PRKCD: variants seen among roughly 807,000 people sequenced by gnomAD.
The protein encoded by PRKCD is protein kinase C delta type.
In PRKCD, 20 loss-of-function variants were observed where a neutral mutation model predicts 82.2. The observed-to-expected ratio is 0.24, with a 90% CI of 0.17 to 0.35. PRKCD has a LOEUF of 0.35. PRKCD is among the 10% of genes least tolerant of loss of function. The pLI, the probability that PRKCD is intolerant of heterozygous loss-of-function variation, is 1.00. For missense variants in PRKCD, 607 were observed against 899.0 expected, an observed-to-expected ratio of 0.68 and a Z score of 4.15; for synonymous variants, 317 against 337.0, an observed-to-expected ratio of 0.94 and a Z score of 0.65.
intron 9 of PRKCD, 102 bp downstream of exon 9, chr3:53,183,683 C>G (rs879994612): frequency 2.7e-6 from 4 of 1,483,826 alleles, no homozygotes; most frequent in South Asian, 2.5e-5. Flanking sequence ...CACCTGGAGA[C>G]GGGCACCTCA....
In PRKCD at chr3:53,178,950, G is replaced by T. The variant is rs527675884; in HGVS notation, c.115+413G>T. On this transcript the variant is annotated intron_variant, in intron 3 of 18. Coordinates refer to ENST00000330452, the MANE Select transcript of PRKCD (RefSeq NM_006254.4). ...CCTGCAATAGGGAAGCCCAGAGAAGGCACCCTCTGAACCTGAGGTCAGGGA... is the reference window on the plus strand; with the variant it reads ...CCTGCAATAGGGAAGCCCAGAGAAGTCACCCTCTGAACCTGAGGTCAGGGA... Among the ~76,000 whole-genome samples the T allele has an allele frequency of 2.0e-5, 3 of 152,318 alleles. 1 individual carries two copies. The East Asian group carries it at 5.8e-4, about 29-fold the overall frequency.
rs1703551009 is a variant in PRKCD at position 53,183,597 on chromosome 3, C to T, written c.787+16C>T. ...AAGTGTGAAGGTGCGTGCCACCCCG[C>T]CCCTGGGCTGCAGGAGGGGCACTCC... is the stretch of plus-strand genomic sequence containing the variant. On this transcript the variant is annotated intron_variant, in intron 9 of 18. Transcript: ENST00000330452. 1 of 1,612,616 alleles carries T rather than the reference C, an allele frequency of 6.2e-7. No individual in the cohort carries two copies. The highest frequency in any genetic ancestry group is 2.2e-5 in the East Asian group (1 of 44,834).
intron 1 of PRKCD, among the ~76,000 whole-genome samples, 183 bp from the exon 2 acceptor site, chr3:53,164,921 G>A (rs1434443499): frequency 1.3e-5 from 2 of 152,152 alleles, no homozygotes; most frequent in Non-Finnish European, 2.9e-5. Flanking sequence ...ACAAATAGTG[G>A]TGCCCAGGAA....
chr3:53,181,199 C>G lies in PRKCD; in HGVS notation c.316-8C>G, dbSNP rs1703426034. The stretch of plus-strand genomic sequence containing the variant: ...CCTTGTTCTCCCCTGGCCTCTGGCC[C>G]CCAACAGCTGGACCTGCAGCCTCAG... On this transcript the variant is annotated splice_region_variant and splice_polypyrimidine_tract_variant and intron_variant, in intron 4 of 18. Coordinates refer to ENST00000330452, the MANE Select transcript of PRKCD (RefSeq NM_006254.4). The G allele has an allele frequency of 6.2e-7, 1 of 1,613,124 alleles. No homozygotes were observed. Among genetic ancestry groups the G allele is most frequent in the South Asian group, 1.1e-5 (1 of 90,898 alleles).
At chr3:53,177,946 C>CTTT (rs55779744) in intron 2 of PRKCD, among the ~76,000 whole-genome samples, 2 of 135,066 alleles carry the variant, frequency 1.5e-5, no homozygotes, top group Non-Finnish European at 3.1e-5. Flanking sequence ...TTTTCTTTTT[C>CTTT]TTTTTTTTTT....
intron 12 of PRKCD, 34 bp downstream of exon 12, chr3:53,186,061 C>G (rs1553668967): frequency 6.2e-7 from 1 of 1,612,726 alleles, no homozygotes; most frequent in South Asian, 1.1e-5. Context: ...TGCTTCCCAC[C>G]CCACCCTGGC....
chr3:53,187,009 C>A (rs1553669336), intron 14 of PRKCD, among the ~76,000 whole-genome samples: 1 of 152,252 alleles, frequency 6.6e-6, no homozygotes. Flanking sequence ...GCGTGGCCCC[C>A]AGACCTGCTT....
In PRKCD at chr3:53,192,587, C is replaced by A; in HGVS notation, c.*321C>A. ...TATATATTGCTCAGTAGAGAAAAAC[C>A]ATGGGGGACTGGTGATATGTTGATC... On this transcript the variant is annotated 3_prime_UTR_variant, in exon 19 of 19. Transcript: ENST00000330452. 6.8e-6 allele frequency: 1 copy of A among 147,370 alleles called. No individual in the cohort carries two copies. Among genetic ancestry groups the A allele is most frequent in the Non-Finnish European group, 1.4e-5 (1 of 69,376 alleles). 9.1% of individuals were successfully genotyped at this position (147,370 alleles called of 1,614,324 possible).
chr3:53,184,904 G>T lies in PRKCD; in HGVS notation c.818G>T (p.Arg273Leu). The stretch of plus-strand genomic sequence containing the variant: ...GGCATGAATGTGCACCATAAATGCC[G>T]GGAGAAGGTGGCCAACCTCTGCGGC... ...DCGMNVHHKC[R>L]EKVANLCGIN... Residue 273 changes from arginine (R) to leucine (L), a missense_variant, in exon 10 of 19, where the codon CGG (arginine) becomes CTG (leucine). Arg to Leu is a moderately radical substitution (Grantham distance 102, BLOSUM62 -2). Coordinates refer to ENST00000330452, the MANE Select transcript of PRKCD (RefSeq NM_006254.4). 1 of 1,613,970 alleles carries T rather than the reference G, an allele frequency of 6.2e-7. No homozygotes were observed. The highest frequency in any genetic ancestry group is 8.5e-7 in the Non-Finnish European group (1 of 1,179,930).
rs33911937 is a variant in PRKCD at position 53,185,984 on chromosome 3, A to G, written c.1043A>G (p.Asn348Ser). The G allele has an allele frequency of 5.6e-4, 906 of 1,614,082 alleles. 4 individuals carry two copies. The highest frequency in any genetic ancestry group is 1.0e-4 in the Non-Finnish European group (120 of 1,180,036). Residue 348 changes from asparagine to serine, a missense_variant, in exon 12 of 19, where the codon AAC (asparagine) becomes AGC (serine). By Grantham distance (46) the Asn-to-Ser change is conservative. This residue lies in a region of PRKCD where 85 missense variants were observed against 76.1 expected (regional missense o/e 1.12). Coordinates refer to ENST00000330452, the MANE Select transcript of PRKCD (RefSeq NM_006254.4). ...WEGSSKCNIN[N>S]FIFHKVLGKG... ...GGCAGCAGCAAGTGCAACATCAACA[A>G]CTTCATCTTCCACAAGGTCCTGGGC...
chr3:53,173,205 G>T (rs891637814), intron 2 of PRKCD, among the ~76,000 whole-genome samples: 3 of 152,216 alleles, frequency 2.0e-5, no homozygotes, highest in Admixed American at 1.3e-4. Flanking sequence ...ACGTGTGGAT[G>T]TGCAGCACAC....
chr3:53,178,009 G>A (rs1458546956), intron 2 of PRKCD, among the ~76,000 whole-genome samples: 19 of 148,140 alleles, frequency 1.3e-4, no homozygotes, highest in African/African-American at 4.7e-4. Context: ...GTACTGGTGC[G>A]ATCTTGGCTC....
chr3:53,187,055 GTGTA>G (rs1338507394), intron 14 of PRKCD, among the ~76,000 whole-genome samples: 4 of 151,090 alleles, frequency 2.6e-5, no homozygotes, highest in Admixed American at 6.6e-5. Context: ...CAAACTAACC[GTGTA>G]TGTGTGTGTG....
intron 8 of PRKCD, 23 bp from the exon 9 acceptor site, chr3:53,183,429 G>C (rs553028503): frequency 1.2e-6 from 2 of 1,613,582 alleles, no homozygotes; most frequent in East Asian, 2.2e-5. Context: ...GTGACCCTCA[G>C]CCTGTGATAC....
Position 53,192,162 on chromosome 3 carries a change from C to T in PRKCD, c.1927C>T (p.Arg643Cys), listed in dbSNP as rs778015441. 46 of 1,613,938 alleles carry T rather than the reference C, an allele frequency of 2.9e-5. No individual in the cohort carries two copies. The highest frequency in any genetic ancestry group is 1.6e-4 in the South Asian group (15 of 91,080). ...FDQEFLNEKA[R>C]LSYSDKNLID... is the part of the protein sequence containing the mutation. ...CCAGGAGTTCCTGAACGAGAAGGCG[C>T]GCCTCTCCTACAGCGACAAGAACCT... The change falls in exon 19 of 19, where the codon CGC (arginine) becomes TGC (cysteine). Residue 643 changes from arginine to cysteine, a missense_variant. By Grantham distance (180) the Arg-to-Cys change is radical (BLOSUM62 -3). Around this residue, in one of 5 missense-constraint regions of PRKCD, gnomAD observed 251 missense variants for 423.9 expected, o/e 0.59. Transcript: ENST00000330452.
At chr3:53,184,216 T>A (rs1354073599) in intron 9 of PRKCD, among the ~76,000 whole-genome samples, 3 of 151,922 alleles carry the variant, frequency 2.0e-5, no homozygotes, top group Non-Finnish European at 4.4e-5. Context: ...GCGCCTGTAG[T>A]CCCAGCTGCT....
intron 2 of PRKCD, among the ~76,000 whole-genome samples, chr3:53,170,586 G>A (rs1702987786): frequency 6.6e-6 from 1 of 152,254 alleles, no homozygotes; most frequent in Non-Finnish European, 1.5e-5. Context: ...ACACACTTTA[G>A]ACTTTGCTCT....
At chr3:53,173,183 A>G (rs1479849429) in intron 2 of PRKCD, among the ~76,000 whole-genome samples, 4 of 152,216 alleles carry the variant, frequency 2.6e-5, no homozygotes, top group Non-Finnish European at 5.9e-5. Flanking sequence ...CTGTGCTGGT[A>G]TACATCAGCA....
intron 2 of PRKCD, among the ~76,000 whole-genome samples, chr3:53,170,448 G>A (rs1553664642): frequency 6.6e-6 from 1 of 152,232 alleles, no homozygotes; most frequent in East Asian, 1.9e-4. Context: ...CCCTCCCCCT[G>A]CGCGCCAGGC....
Sources: allele counts gnomAD v4.1 joint callset (sites outside exome capture counted in the v4.1 genomes callset), GRCh38; gene constraint gnomAD v4.1.1; regional missense constraint gnomAD v4.1.1; transcripts MANE v1.5; gene names NCBI Gene and HGNC (gene_info 2026-07-23, HGNC 2026-07-21).